Variants in RYR1 observed in about 807,000 individuals in gnomAD.
RYR1 encodes the protein ryanodine receptor 1, also known as central core disease of muscle.
A neutral mutation model predicts 583.5 loss-of-function variants in RYR1; 342 were observed. The observed-to-expected ratio is 0.59, with a 90% confidence interval of 0.54 to 0.64. The LOEUF (loss-of-function observed/expected upper bound fraction) is 0.64. Among genes scored for constraint, RYR1 ranks in the 30% least tolerant of loss-of-function variants. The probability of loss-of-function intolerance (pLI) is 0.00; values close to 1 mark genes in which losing one functional copy is unlikely to be tolerated. For synonymous variants in RYR1, 2,791 were observed against 2,822.5 expected (o/e 0.99, Z 0.35); for missense variants, 6,032 against 6,917.2 (o/e 0.87, Z 4.54).
Position 38,483,980 on chromosome 19 carries a change from G to A in RYR1, c.4934+464G>A, listed in dbSNP as rs1240472943. Reference sequence around the variant, plus strand: ...TTTCAAACCCACCCCAGGGGACCCAGACACACCTAGGGCCACAGATGCGTT... The same window carrying A: ...TTTCAAACCCACCCCAGGGGACCCAAACACACCTAGGGCCACAGATGCGTT... On this transcript the variant is annotated intron_variant, in intron 33 of 105. Transcript: ENST00000359596. The surrounding 1 kb of genome is among the most constrained non-coding windows in gnomAD (Gnocchi z 6.3). 6.6e-6 allele frequency among the ~76,000 whole-genome samples: 1 copy of A among 152,094 alleles called. No individual in the cohort carries two copies. The highest frequency in any genetic ancestry group is 2.4e-5 in the African/African-American group (1 of 41,416).
At position 38,451,880 on chromosome 19, in the gene RYR1, C is replaced by G; in HGVS notation, c.1239C>G (p.Phe413Leu). The change falls in exon 12 of 106, where the codon TTC becomes TTG. Residue 413 changes from phenylalanine to leucine, a missense_variant. Phe to Leu is a conservative substitution (Grantham distance 22, BLOSUM62 0). This residue lies in a region of RYR1 where 2,627 missense variants were observed against 2,961.3 expected (regional missense o/e 0.89). Transcript: ENST00000359596. ...IHSTNGLYNQFIKSLDSFSGK... is the reference protein window; with the variant it reads ...IHSTNGLYNQLIKSLDSFSGK... ...GCACCAATGGCCTATACAACCAGTT[C>G]ATCAAGTGAGCAACCTGCCCTCCCT... The G allele has an allele frequency of 6.2e-7, 1 of 1,614,140 alleles. No homozygotes were observed. The highest frequency in any genetic ancestry group is 1.1e-5 in the South Asian group (1 of 91,082).
At chr19:38,474,103 G>C (rs889135183) in intron 28 of RYR1, among the ~76,000 whole-genome samples, 1 of 152,208 alleles carries the variant, frequency 6.6e-6, no homozygotes, top group African/African-American at 2.4e-5. Context: ...CTTCCTAGGA[G>C]AGTTTACTGC....
At chr19:38,502,459 A>G in intron 47 of RYR1, 48 bp from the exon 48 acceptor site, 1 of 1,546,896 alleles carries the variant, frequency 6.5e-7, no homozygotes, top group Non-Finnish European at 8.8e-7. Flanking sequence ...GTGCCAGAGC[A>G]GCCCCAGGGG....
Position 38,458,293 on chromosome 19 carries a change from G to T in RYR1, c.2167+1G>T. The T allele has an allele frequency of 6.2e-7, 1 of 1,613,620 alleles. No homozygotes were observed. Among genetic ancestry groups the T allele is most frequent in the Non-Finnish European group, 8.5e-7 (1 of 1,179,934 alleles). On this transcript the variant is annotated splice_donor_variant, in intron 18 of 105. Transcript: ENST00000359596. LOFTEE classifies it high-confidence loss of function. ...TTTGATGGACTGCATCTCTGGACAG[G>T]TACCTGACCCCTTCCAGGGGACCCT...
chr19:38,508,849 G>A (rs945111884), intron 58 of RYR1, among the ~76,000 whole-genome samples: 2 of 152,204 alleles, frequency 1.3e-5, no homozygotes, highest in South Asian at 2.1e-4. Context: ...GAGCCGAGGA[G>A]GGACGTGATC....
At chr19:38,556,111 T>G (rs1972867929) in intron 89 of RYR1, among the ~76,000 whole-genome samples, 1 of 151,978 alleles carries the variant, frequency 6.6e-6, no homozygotes, top group South Asian at 2.1e-4. Context: ...TGATCTGCCC[T>G]CCTCACCCTC....
chr19:38,564,286 G>T, intron 90 of RYR1, among the ~76,000 whole-genome samples: 1 of 152,206 alleles, frequency 6.6e-6, no homozygotes, highest in Non-Finnish European at 1.5e-5. Flanking sequence ...CACTTTGGGA[G>T]GGTGAGGCGG....
At chr19:38,576,011 C>G (rs748253730) in intron 97 of RYR1, 50 bp downstream of exon 97, 1 of 1,601,982 alleles carries the variant, frequency 6.2e-7, no homozygotes, top group South Asian at 1.1e-5. Flanking sequence ...CTGCCTGCCA[C>G]CAGGCCATCA....
At position 38,543,912 on chromosome 19, in the gene RYR1, G is replaced by A. The variant is rs1486230720; in HGVS notation, c.12012+37G>A. ...TCTGGTCTCCATCCACCTGCTTCCG[G>A]GCGTCCCCCAAGTGGTCCATTTCCA... On this transcript the variant is annotated intron_variant, in intron 87 of 105. Coordinates refer to ENST00000359596, the MANE Select transcript of RYR1 (RefSeq NM_000540.3). This position sits in a 1 kb window ranked among gnomAD's most constrained non-coding sequence, Gnocchi z 4.4. 1 of 1,591,884 alleles carries A rather than the reference G, an allele frequency of 6.3e-7. No individual in the cohort carries two copies. The highest frequency in any genetic ancestry group is 8.6e-7 in the Non-Finnish European group (1 of 1,166,622).
rs781406709 is a variant in RYR1 at position 38,444,297 on chromosome 19, G to A, written c.537+36G>A. Reference sequence around the variant, plus strand: ...GCGGTTCCTCCTGCTCCCAGGTCTGGGGGCGCATGGGATGGTCCCCATCTT... The same window carrying A: ...GCGGTTCCTCCTGCTCCCAGGTCTGAGGGCGCATGGGATGGTCCCCATCTT... On this transcript the variant is annotated intron_variant, in intron 6 of 105. Coordinates refer to ENST00000359596, the MANE Select transcript of RYR1 (RefSeq NM_000540.3). This position sits in a 1 kb window ranked among gnomAD's most constrained non-coding sequence, Gnocchi z 5.1. The A allele has an allele frequency of 1.8e-5, 27 of 1,510,128 alleles. No homozygotes were observed. Among genetic ancestry groups the A allele is most frequent in the Non-Finnish European group, 2.5e-5 (27 of 1,089,746 alleles). The allele number at this position is 1,510,128 out of a possible 1,614,324, so 93.5% of individuals were successfully genotyped here.
rs547288253 is a variant in RYR1, at chr19:38,464,278, GAAAAAAAAA to G, written c.2787-338_2787-330del. On this transcript the variant is annotated intron_variant, in intron 22 of 105. Coordinates refer to ENST00000359596, the MANE Select transcript of RYR1 (RefSeq NM_000540.3). ...GGCGACAGAGCGAGACACCGTTTCAGAAAAAAAAAAAAAAAAAAAAAAAAAAAAAAAGAA... is the reference window on the plus strand; with the variant it reads ...GGCGACAGAGCGAGACACCGTTTCAGAAAAAAAAAAAAAAAAAAAAAAGAA... 2.2e-4 allele frequency among the ~76,000 whole-genome samples: 14 copies of G among 64,242 alleles called. 1 individual carries two copies. Among genetic ancestry groups the G allele is most frequent in the Admixed American group, 1.2e-3 (5 of 4,236 alleles). 42.1% of individuals were successfully genotyped at this position (64,242 alleles called of 152,430 possible).
rs772422894 is a variant in RYR1 at position 38,486,040 on chromosome 19, G to C, written c.5385G>C (p.Pro1795=). ...ALPAAGAAEA[P]ARLSPAIPLE... is the part of the protein sequence containing the mutation. ...CAGCTGCTGGGGCAGCAGAGGCCCC[G>C]GCCCGCCTCAGCCCTGCCATCCCGC... Residue 1795 remains proline, a synonymous_variant, in exon 34 of 106, where the codon CCG becomes CCC. Transcript: ENST00000359596. The C allele has an allele frequency of 6.8e-6, 11 of 1,612,666 alleles. No individual in the cohort carries two copies. The East Asian group carries it at 2.2e-4, about 33-fold the overall frequency.
chr19:38,515,903 T>C (rs1241502921), intron 64 of RYR1, among the ~76,000 whole-genome samples, 184 bp from the exon 65 acceptor site: 1 of 152,214 alleles, frequency 6.6e-6, no homozygotes, highest in African/African-American at 2.4e-5. Context: ...ATCAGGCCAC[T>C]GCACTGCAGC....
At position 38,444,575 on chromosome 19, in the gene RYR1, G is replaced by C; in HGVS notation, c.538-9G>C. 3 of 1,612,466 alleles carry C rather than the reference G, an allele frequency of 1.9e-6. No individual in the cohort carries two copies. The highest frequency in any genetic ancestry group is 2.5e-6 in the Non-Finnish European group (3 of 1,179,178). ...TCGTCTCTGACTGCCGCATCCTGGTGGCCCCCAGCACCTGTCGACCGCCAG... is the reference window on the plus strand; with the variant it reads ...TCGTCTCTGACTGCCGCATCCTGGTCGCCCCCAGCACCTGTCGACCGCCAG... On this transcript the variant is annotated splice_polypyrimidine_tract_variant and intron_variant, in intron 6 of 105. Coordinates refer to ENST00000359596, the MANE Select transcript of RYR1 (RefSeq NM_000540.3). The surrounding 1 kb of genome is among the most constrained non-coding windows in gnomAD (Gnocchi z 5.1).
chr19:38,502,763 AGGGG>A (rs1970210877), intron 48 of RYR1, 36 bp downstream of exon 48: 3 of 402,162 alleles, frequency 7.5e-6, no homozygotes, highest in Admixed American at 4.6e-5. Context: ...GGGCAGGGGC[AGGGG>A]CAGGGGCAGG....
intron 87 of RYR1, among the ~76,000 whole-genome samples, chr19:38,544,154 T>C (rs1316878986): frequency 1.3e-5 from 2 of 152,198 alleles, no homozygotes; most frequent in Non-Finnish European, 2.9e-5. Context: ...AGCTCCTCTA[T>C]GATTGATTGC....
At position 38,444,765 on chromosome 19, in the gene RYR1, G is replaced by C. The variant is rs574296109; in HGVS notation, c.631+88G>C. The stretch of plus-strand genomic sequence containing the variant: ...TTCAGGCATACCCAAATGGAGCCTT[G>C]GAACCTCAGACCTCAAACCTAGATC... On this transcript the variant is annotated intron_variant, in intron 7 of 105. Transcript: ENST00000359596. This position sits in a 1 kb window ranked among gnomAD's most constrained non-coding sequence, Gnocchi z 5.1. The C allele has an allele frequency of 2.9e-6, 3 of 1,021,478 alleles. No individual in the cohort carries two copies. Among genetic ancestry groups the C allele is most frequent in the Non-Finnish European group, 4.5e-6 (3 of 665,488 alleles). 63.3% of individuals were successfully genotyped at this position (1,021,478 alleles called of 1,614,324 possible). A position where few individuals can be genotyped will look rare whatever the true frequency, so the allele number is the denominator to read the frequency against.
At chr19:38,520,090 T>TTA (rs1306430754) in intron 67 of RYR1, among the ~76,000 whole-genome samples, 104 of 149,560 alleles carry the variant, frequency 7.0e-4, no homozygotes, top group African/African-American at 2.5e-3. Flanking sequence ...TTTTTTTTTT[T>TTA]ATTGAGACAG....
chr19:38,526,804 C>T, intron 71 of RYR1, 189 bp from the exon 72 acceptor site: 1 of 598,844 alleles, frequency 1.7e-6, no homozygotes. Context: ...GACTCTGTGA[C>T]CCTCCGGCCC....
Sources: allele counts gnomAD v4.1 joint callset (sites outside exome capture counted in the v4.1 genomes callset), GRCh38; gene constraint gnomAD v4.1.1; regional missense constraint gnomAD v4.1.1; non-coding constraint Gnocchi (gnomAD v3.1); transcripts MANE v1.5; gene names NCBI Gene and HGNC (gene_info 2026-07-23, HGNC 2026-07-21).